ABCB6: variants seen among roughly 807,000 people sequenced by gnomAD.
ABCB6 encodes the protein ATP-binding cassette sub-family B member 6.
Under a neutral mutation model 99.4 loss-of-function variants are expected in ABCB6, and 87 were observed. The observed-to-expected ratio is 0.88, with a 90% confidence interval of 0.74 to 1.05. The LOEUF is 1.05. Among genes scored for constraint, ABCB6 ranks in the 50% least tolerant of loss-of-function variants. The pLI, the probability that ABCB6 is intolerant of heterozygous loss-of-function variation, is 0.00. For synonymous variants in ABCB6, 482 were observed against 447.5 expected (o/e 1.08, Z -0.97); for missense variants, 1,050 against 1,097.9 (o/e 0.96, Z 0.62).
intron 6 of ABCB6, 194 bp downstream of exon 6, chr2:219,214,767 T>C (rs984684850): frequency 3.0e-6 from 2 of 671,468 alleles, no homozygotes; most frequent in African/African-American, 3.6e-5. Flanking sequence ...AGAATGTCCT[T>C]CCCCAGCCCC....
At position 219,218,437 on chromosome 2, in the gene ABCB6, C is replaced by T. The variant is rs765451363; in HGVS notation, c.237G>A (p.Leu79=). Residue 79 remains leucine (L), a synonymous_variant, in exon 1 of 19, where the codon CTG becomes CTA. Coordinates refer to ENST00000265316, the MANE Select transcript of ABCB6 (RefSeq NM_005689.4). ...GGGGCAGCGCCGCCTGAAGTGTGGC[C>T]AGAAGCAGCTGCAGCACGTAGGGAG... ...RISPYVLQLL[L]ATLQAALPLA... is the part of the protein sequence containing the mutation. 6.2e-7 allele frequency: 1 copy of T among 1,610,104 alleles called. No homozygotes were observed. The highest frequency in any genetic ancestry group is 1.3e-5 in the African/African-American group (1 of 74,906).
In ABCB6 at chr2:219,218,367, G is replaced by T. The variant is rs750783070; in HGVS notation, c.307C>A (p.Leu103Met). The part of the protein sequence containing the change: ...GRVGTARGAP[L>M]PSYLLLASVL... The stretch of plus-strand genomic sequence containing the variant: ...GAGGCCAGAAGTAGATAGCTTGGCA[G>T]TGGGGCCCCCCGGGCAGTGCCCACC... The change falls in exon 1 of 19, where the codon CTG becomes ATG. Residue 103 changes from leucine (L) to methionine (M), a missense_variant. Physicochemically the swap from Leu to Met is conservative, Grantham distance 15. Coordinates refer to ENST00000265316, the MANE Select transcript of ABCB6 (RefSeq NM_005689.4). 24 of 1,612,778 alleles carry T rather than the reference G, an allele frequency of 1.5e-5. No homozygotes were observed. The highest frequency in any genetic ancestry group is 1.7e-5 in the Non-Finnish European group (20 of 1,179,912).
At position 219,218,442 on chromosome 2, in the gene ABCB6, G is replaced by A; in HGVS notation, c.232C>T (p.Leu78Phe). Residue 78 changes from leucine to phenylalanine, a missense_variant, in exon 1 of 19, where the codon CTT (leucine) becomes TTT (phenylalanine). Physicochemically the swap from Leu to Phe is conservative, Grantham distance 22. Coordinates refer to ENST00000265316, the MANE Select transcript of ABCB6 (RefSeq NM_005689.4). ...AGCGCCGCCTGAAGTGTGGCCAGAA[G>A]CAGCTGCAGCACGTAGGGAGAGATG... ...PRISPYVLQL[L>F]LATLQAALPL... 6.2e-7 allele frequency: 1 copy of A among 1,609,790 alleles called. No homozygotes were observed. Among genetic ancestry groups the A allele is most frequent in the Non-Finnish European group, 8.5e-7 (1 of 1,178,404 alleles).
intron 18 of ABCB6, 33 bp from the exon 19 acceptor site, chr2:219,210,079 A>G (rs1950556146): frequency 6.8e-6 from 11 of 1,607,544 alleles, no homozygotes; most frequent in Non-Finnish European, 8.5e-6. Flanking sequence ...AGTCCTAACC[A>G]TTAGTTTTAC....
chr2:219,210,771 C>T lies in ABCB6; in HGVS notation c.2196G>A (p.Lys732=), dbSNP rs368745056. Residue 732 remains lysine, a synonymous_variant, in exon 16 of 19, where the codon AAG becomes AAA. Coordinates refer to ENST00000265316, the MANE Select transcript of ABCB6 (RefSeq NM_005689.4). ...ERGLKLSGGE[K]QRVAIARTIL... is the part of the protein sequence containing the mutation. ...TGGTGCGGGCAATGGCGACGCGCTG[C>T]TTCTCCCCGCCGCTCAGCTTCAGTC... The T allele has an allele frequency of 3.1e-4, 504 of 1,613,722 alleles. No homozygotes were observed. The highest frequency in any genetic ancestry group is 4.2e-4 in the Non-Finnish European group (492 of 1,180,004).
At chr2:219,217,923 A>G in intron 1 of ABCB6, 116 bp from the exon 2 acceptor site, 1 of 1,191,498 alleles carries the variant, frequency 8.4e-7, no homozygotes, top group Non-Finnish European at 1.1e-6. Context: ...ACAGGCTTAA[A>G]AAAAAAAAAA....
Position 219,212,866 on chromosome 2 carries a change from T to C in ABCB6, c.1863+142A>G, listed in dbSNP as rs937813626. On this transcript the variant is annotated intron_variant, in intron 13 of 18. Transcript: ENST00000265316. ...GGTTCCCTCTCCAAGAGGTCACCAG[T>C]GTCCATGGAGGCTGCACCATTCAAT... 7 of 959,886 alleles carry C rather than the reference T, an allele frequency of 7.3e-6. No individual in the cohort carries two copies. In the East Asian group the frequency reaches 1.6e-4, roughly 22 times the overall value. 59.5% of individuals were successfully genotyped at this position (959,886 alleles called of 1,614,324 possible).
At chr2:219,210,623 G>A (rs891695841) in intron 16 of ABCB6, 88 bp downstream of exon 16, 1 of 1,599,476 alleles carries the variant, frequency 6.3e-7, no homozygotes, top group Non-Finnish European at 8.5e-7. Context: ...TTGAATTCAT[G>A]GTATCTGTTC....
rs1402255131 is a variant in ABCB6 at position 219,209,865 on chromosome 2, A to G, written c.*73T>C. ...CACCATACCCCAAGACCAGGATGAA[A>G]TAAGCCAGGGAAAGGAGACACATCT... is the stretch of plus-strand genomic sequence containing the variant. On this transcript the variant is annotated 3_prime_UTR_variant, in exon 19 of 19. Coordinates refer to ENST00000265316, the MANE Select transcript of ABCB6 (RefSeq NM_005689.4). 7 of 1,194,064 alleles carry G rather than the reference A, an allele frequency of 5.9e-6. No individual in the cohort carries two copies. The African/African-American group carries it at 6.0e-5, about 10-fold the overall frequency. The allele number at this position is 1,194,064 out of a possible 1,614,324, so 74.0% of individuals were successfully genotyped here.
At position 219,210,799 on chromosome 2, in the gene ABCB6, C is replaced by T. The variant is rs148211042; in HGVS notation, c.2168G>A (p.Arg723Gln). The T allele has an allele frequency of 1.1e-3, 1,758 of 1,613,838 alleles. 2 individuals carry two copies. The highest frequency in any genetic ancestry group is 1.3e-3 in the Non-Finnish European group (1,547 of 1,180,014). Residue 723 changes from arginine (R) to glutamine (Q), a missense_variant, in exon 16 of 19, where the codon CGG (arginine) becomes CAG (glutamine). Transcript: ENST00000265316. ...PEGYRTQVGE[R>Q]GLKLSGGEKQ... is the part of the protein sequence containing the mutation. ...CTCCCCGCCGCTCAGCTTCAGTCCCCGCTCGCCCACCTGTGTCCTGTACCC... is the reference window on the plus strand; with the variant it reads ...CTCCCCGCCGCTCAGCTTCAGTCCCTGCTCGCCCACCTGTGTCCTGTACCC...
chr2:219,215,864 A>T (rs952654468), intron 5 of ABCB6, 133 bp downstream of exon 5: 1 of 988,626 alleles, frequency 1.0e-6, no homozygotes, highest in South Asian at 2.0e-5. Context: ...GTATACAATA[A>T]TCCTATACTT....
chr2:219,218,058 T>C (rs1950668185), intron 1 of ABCB6, 67 bp downstream of exon 1: 2 of 1,519,430 alleles, frequency 1.3e-6, no homozygotes, highest in African/African-American at 1.4e-5. Context: ...GCAGTGTGAC[T>C]GGACATGCAG....
rs1442012572 is a variant in ABCB6 at position 219,213,872 on chromosome 2, G to C, written c.1532C>G (p.Ala511Gly). The C allele has an allele frequency of 6.2e-7, 1 of 1,614,020 alleles. No individual in the cohort carries two copies. Among genetic ancestry groups the C allele is most frequent in the African/African-American group, 1.3e-5 (1 of 74,920 alleles). Residue 511 changes from alanine to glycine, a missense_variant, in exon 9 of 19, where the codon GCC becomes GGC. By Grantham distance (60) the Ala-to-Gly change is moderately conservative (BLOSUM62 0). Transcript: ENST00000265316. ...AAAGTATGCGCAAAGCAGGGAGCCG[G>C]CGAGGAGCCCGAGCCCAATCACCAG... Reference protein sequence around the residue: ...QNLVIGLGLLAGSLLCAYFVT... With the variant: ...QNLVIGLGLLGGSLLCAYFVT...
At chr2:219,213,704 C>G in intron 9 of ABCB6, 38 bp from the exon 10 acceptor site, 2 of 1,613,582 alleles carry the variant, frequency 1.2e-6, no homozygotes, top group Non-Finnish European at 1.7e-6. Context: ...TCACGGGGGG[C>G]CTGCAGGCCG....
chr2:219,217,996 G>A, intron 1 of ABCB6, 129 bp downstream of exon 1: 2 of 1,379,254 alleles, frequency 1.5e-6, no homozygotes, highest in South Asian at 1.5e-5. Context: ...GCTCCCGGCA[G>A]GACTCAGCCC....
In ABCB6 at chr2:219,218,501, C is replaced by A. The variant is rs765581305; in HGVS notation, c.173G>T (p.Gly58Val). 1.9e-6 allele frequency: 3 copies of A among 1,609,262 alleles called. No individual in the cohort carries two copies. In the Admixed American group the frequency reaches 5.1e-5, roughly 27 times the overall value. The change falls in exon 1 of 19, where the codon GGT (glycine) becomes GTT (valine). Residue 58 changes from glycine (G) to valine (V), a missense_variant. Coordinates refer to ENST00000265316, the MANE Select transcript of ABCB6 (RefSeq NM_005689.4). ...GGCCCCCCAAGACAGCGAATCAGCA[C>A]CAGCGGGCCGCTCCCGGCGTCTGCA... ...LPCRRRERPA[G>V]ADSLSWGAGP...
intron 2 of ABCB6, among the ~76,000 whole-genome samples, chr2:219,217,442 G>A (rs200254175): frequency 6.6e-6 from 1 of 152,014 alleles, no homozygotes; most frequent in African/African-American, 2.4e-5. Flanking sequence ...TCAAGAGATC[G>A]AGACCATCCT....
chr2:219,216,199 C>T lies in ABCB6; in HGVS notation c.971-19G>A, dbSNP rs202234479. 53 of 1,576,144 alleles carry T rather than the reference C, an allele frequency of 3.4e-5. No homozygotes were observed. Among genetic ancestry groups the T allele is most frequent in the East Asian group, 4.6e-5 (2 of 43,946 alleles). ...ACGAAGCCTGCAGGGAGCCGGGGGACGCCTCAGTAGGGCCTGGGAGCTGAG... is the reference window on the plus strand; with the variant it reads ...ACGAAGCCTGCAGGGAGCCGGGGGATGCCTCAGTAGGGCCTGGGAGCTGAG... On this transcript the variant is annotated intron_variant, in intron 4 of 18. Transcript: ENST00000265316. The surrounding 1 kb of genome is among the most constrained non-coding windows in gnomAD (Gnocchi z 4.2).
rs568485495 is a variant in ABCB6 at position 219,214,737 on chromosome 2, G to A, written c.1276+224C>T. The A allele has an allele frequency of 4.2e-5, 27 of 637,662 alleles. No homozygotes were observed. In the Admixed American group the frequency reaches 4.7e-4, roughly 11 times the overall value. The allele number at this position is 637,662 out of a possible 1,614,324, so 39.5% of individuals were successfully genotyped here. A position where few individuals can be genotyped will look rare whatever the true frequency, so the allele number is the denominator to read the frequency against. ...CGAGGCTTCCTTGACCTGTGTCCAC[G>A]GCTCAGACTTAACGTGACAAGAATG... On this transcript the variant is annotated intron_variant, in intron 6 of 18. Coordinates refer to ENST00000265316, the MANE Select transcript of ABCB6 (RefSeq NM_005689.4).
Sources: gnomAD v4.1 joint callset for allele counts (sites outside exome capture counted in the v4.1 genomes callset) on GRCh38, gnomAD v4.1.1 for gene constraint, Gnocchi (gnomAD v3.1) non-coding constraint, MANE v1.5 for transcripts, NCBI Gene and HGNC (gene_info 2026-07-23, HGNC 2026-07-21) for gene names.